ID4: variants seen among roughly 807,000 people sequenced by gnomAD.
ID4 encodes inhibitor of DNA binding 4.
In ID4, 9 loss-of-function variants were observed where a neutral mutation model predicts 8.6. The ratio of observed to expected loss-of-function variants is 1.04; its 90% confidence interval spans 0.63 to 1.82. ID4 has a LOEUF of 1.82. Among genes scored for constraint, ID4 ranks in the 40% most tolerant of loss-of-function variants. ID4 has a pLI of 0.00. For missense variants in ID4, 270 were observed against 235.1 expected (o/e 1.15, Z -0.97); for synonymous variants, 180 against 118.0 (o/e 1.53, Z -3.41).
Position 19,837,679 on chromosome 6 carries a change from G to T in ID4, c.-76G>T. The T allele has an allele frequency of 9.8e-7, 1 of 1,016,002 alleles. No individual in the cohort carries two copies. Among genetic ancestry groups the T allele is most frequent in the South Asian group, 4.7e-5 (1 of 21,304 alleles). 62.9% of individuals were successfully genotyped at this position (1,016,002 alleles called of 1,614,324 possible). A position where few individuals can be genotyped will look rare whatever the true frequency, so the allele number is the denominator to read the frequency against. The stretch of plus-strand genomic sequence containing the variant: ...AGGCAAAGGGAGCGGAGCCGGCCGC[G>T]GACGGGGCCCGGAGCTTGCCTGCCT... On this transcript the variant is annotated 5_prime_UTR_variant, in exon 1 of 3. Coordinates refer to ENST00000378700, the MANE Select transcript of ID4 (RefSeq NM_001546.4).
Position 19,837,638 on chromosome 6 carries a change from A to AGC in ID4, c.-112_-111dup. On this transcript the variant is annotated 5_prime_UTR_variant, in exon 1 of 3. Transcript: ENST00000378700. ...GGCTCGGGAGTGTCGCGGTGCCCCGAGCGCGCCGGGCGCGGAGGCAAAGGG... is the reference window on the plus strand; with the variant it reads ...GGCTCGGGAGTGTCGCGGTGCCCCGAGCGCGCGCCGGGCGCGGAGGCAAAGGG... 1.5e-6 allele frequency: 1 copy of AGC among 652,328 alleles called. No individual in the cohort carries two copies. Among genetic ancestry groups the AGC allele is most frequent in the Non-Finnish European group, 2.0e-6 (1 of 510,098 alleles). The allele number at this position is 652,328 out of a possible 1,614,324, so 40.4% of individuals were successfully genotyped here. A position where few individuals can be genotyped will look rare whatever the true frequency, so the allele number is the denominator to read the frequency against.
At chr6:19,838,225 A>AC in intron 1 of ID4, 30 bp downstream of exon 1, 2 of 1,328,546 alleles carry the variant, frequency 1.5e-6, no homozygotes, top group Non-Finnish European at 1.9e-6. Flanking sequence ...CCGTGGGCGG[A>AC]CGCCGCGGGG....
In ID4 at chr6:19,839,633, A is replaced by T. The variant is rs940555036; in HGVS notation, c.*438A>T. ...TTGTAGATATTTTTTTTTTACATCT[A>T]TTGTTTAAAATAGATGATTATAACG... On this transcript the variant is annotated 3_prime_UTR_variant, in exon 3 of 3. Coordinates refer to ENST00000378700, the MANE Select transcript of ID4 (RefSeq NM_001546.4). The T allele has an allele frequency of 6.6e-6, 1 of 152,268 alleles. No individual in the cohort carries two copies. Among genetic ancestry groups the T allele is most frequent in the Non-Finnish European group, 1.5e-5 (1 of 67,970 alleles). The allele number at this position is 152,268 out of a possible 1,614,324, so 9.4% of individuals were successfully genotyped here.
In ID4 at chr6:19,841,508, T is replaced by C. The variant is rs188540509; in HGVS notation, c.*2313T>C. ...TTTTGGCGCAGTTTAAAACTTATAC[T>C]GGTGGACTGTGAACCTCAAAACAAA... On this transcript the variant is annotated 3_prime_UTR_variant, in exon 3 of 3. Transcript: ENST00000378700. 7.4e-5 allele frequency among the ~76,000 whole-genome samples: 11 copies of C among 148,864 alleles called. No individual in the cohort carries two copies. In the East Asian group the frequency reaches 1.7e-3, roughly 24 times the overall value.
rs541603415 is a variant in ID4, at chr6:19,838,051, C to T, written c.297C>T (p.Asp99=). The change falls in exon 1 of 3, where the codon GAC becomes GAT. Residue 99 remains aspartate (D), a synonymous_variant. Coordinates refer to ENST00000378700, the MANE Select transcript of ID4 (RefSeq NM_001546.4). ...TGGAGATCCTGCAGCACGTTATCGACTACATCCTGGACCTGCAGCTGGCGC... is the reference window on the plus strand; with the variant it reads ...TGGAGATCCTGCAGCACGTTATCGATTACATCCTGGACCTGCAGCTGGCGC... The part of the protein sequence containing the change: ...SKVEILQHVI[D]YILDLQLALE... 5 of 1,607,648 alleles carry T rather than the reference C, an allele frequency of 3.1e-6. No homozygotes were observed. Among genetic ancestry groups the T allele is most frequent in the East Asian group, 2.2e-5 (1 of 44,504 alleles).
rs1367992039 is a variant in ID4 at position 19,840,650 on chromosome 6, C to A, written c.*1455C>A. ...AATCTCTTGTGATGTGTAACTTTTACATGTGAATATTAAAGTAGATTTCTC... is the reference window on the plus strand; with the variant it reads ...AATCTCTTGTGATGTGTAACTTTTAAATGTGAATATTAAAGTAGATTTCTC... On this transcript the variant is annotated 3_prime_UTR_variant, in exon 3 of 3. Transcript: ENST00000378700. The A allele has an allele frequency of 2.0e-5, 3 of 152,472 alleles. No homozygotes were observed. Among genetic ancestry groups the A allele is most frequent in the Non-Finnish European group, 4.4e-5 (3 of 68,002 alleles). The allele number at this position is 152,472 out of a possible 1,614,324, so 9.4% of individuals were successfully genotyped here.
Position 19,842,017 on chromosome 6 carries a change from G to A in ID4, c.*2822G>A, listed in dbSNP as rs949864598. Among the ~76,000 whole-genome samples, 2 of 152,080 alleles carry A rather than the reference G, an allele frequency of 1.3e-5. No homozygotes were observed. The highest frequency in any genetic ancestry group is 1.5e-5 in the Non-Finnish European group (1 of 68,010). ...ATCCTGACATCTCAGACATCTCAAT[G>A]TTAAAGGAAGAAAAAAAATACCTTT... On this transcript the variant is annotated 3_prime_UTR_variant, in exon 3 of 3. Transcript: ENST00000378700.
In ID4 at chr6:19,837,719, A is replaced by T; in HGVS notation, c.-36A>T. 1 of 1,103,254 alleles carries T rather than the reference A, an allele frequency of 9.1e-7. No homozygotes were observed. Among genetic ancestry groups the T allele is most frequent in the Non-Finnish European group, 1.1e-6 (1 of 905,244 alleles). 68.3% of individuals were successfully genotyped at this position (1,103,254 alleles called of 1,614,324 possible). A position where few individuals can be genotyped will look rare whatever the true frequency, so the allele number is the denominator to read the frequency against. On this transcript the variant is annotated 5_prime_UTR_variant, in exon 1 of 3. Coordinates refer to ENST00000378700, the MANE Select transcript of ID4 (RefSeq NM_001546.4). Reference sequence around the variant, plus strand: ...CTTGCCTGCCTCCCTCGCTCGCCCCAGCGGGTTCGCTCGCGTAGAGCGCAG... The same window carrying T: ...CTTGCCTGCCTCCCTCGCTCGCCCCTGCGGGTTCGCTCGCGTAGAGCGCAG...
At chr6:19,838,856 G>T in intron 2 of ID4, 1 of 560,416 alleles carries the variant, frequency 1.8e-6, no homozygotes, top group South Asian at 2.1e-5. Context: ...AGACGGGTCA[G>T]CCCTTGTCCC....
In ID4 at chr6:19,841,341, C is replaced by T. The variant is rs182955118; in HGVS notation, c.*2146C>T. On this transcript the variant is annotated 3_prime_UTR_variant, in exon 3 of 3. Coordinates refer to ENST00000378700, the MANE Select transcript of ID4 (RefSeq NM_001546.4). ...GAATTCCAAATCTGAAGAATTCTAA[C>T]GACTGCATTCTTTGTTATTAAAAAG... 6.6e-6 allele frequency among the ~76,000 whole-genome samples: 1 copy of T among 152,256 alleles called. No homozygotes were observed. The highest frequency in any genetic ancestry group is 1.9e-4 in the East Asian group (1 of 5,184).
chr6:19,837,566 C>G lies in ID4; in HGVS notation c.-189C>G. 3.8e-6 allele frequency: 1 copy of G among 265,620 alleles called. No individual in the cohort carries two copies. Among genetic ancestry groups the G allele is most frequent in the Non-Finnish European group, 6.4e-6 (1 of 156,074 alleles). 16.5% of individuals were successfully genotyped at this position (265,620 alleles called of 1,614,324 possible). Reference sequence around the variant, plus strand: ...CTCGGGCTGAGTGTCGCCCACTGAGCAAAGATTCCCTCGTAAAACCCAGAG... The same window carrying G: ...CTCGGGCTGAGTGTCGCCCACTGAGGAAAGATTCCCTCGTAAAACCCAGAG... On this transcript the variant is annotated 5_prime_UTR_variant, in exon 1 of 3. Transcript: ENST00000378700.
intron 1 of ID4, 78 bp downstream of exon 1, chr6:19,838,273 C>T (rs1455187462): frequency 1.6e-6 from 2 of 1,238,538 alleles, no homozygotes; most frequent in Non-Finnish European, 2.1e-6. Flanking sequence ...GACGCGGGCG[C>T]TCACCGTCCT....
chr6:19,838,916 T>C (rs994747023), intron 2 of ID4: 5 of 494,730 alleles, frequency 1.0e-5, no homozygotes, highest in Middle Eastern at 1.1e-3. Context: ...CTGCCTTCCC[T>C]AGTTCCCGAG....
In ID4 at chr6:19,840,038, G is replaced by C. The variant is rs1761325678; in HGVS notation, c.*843G>C. 1 of 152,470 alleles carries C rather than the reference G, an allele frequency of 6.6e-6. No homozygotes were observed. The highest frequency in any genetic ancestry group is 2.4e-5 in the African/African-American group (1 of 41,402). The allele number at this position is 152,470 out of a possible 1,614,324, so 9.4% of individuals were successfully genotyped here. On this transcript the variant is annotated 3_prime_UTR_variant, in exon 3 of 3. Transcript: ENST00000378700. ...AGATGTTTAATCACAAATTAAACTT[G>C]TTCTGAGTCCATTCAAATGTGTTTT...
chr6:19,838,232 G>C (rs945809620), intron 1 of ID4, 37 bp downstream of exon 1: 1 of 1,323,128 alleles, frequency 7.6e-7, no homozygotes, highest in Admixed American at 4.2e-5. Flanking sequence ...CGGACGCCGC[G>C]GGGGATGGGA....
intron 2 of ID4, 104 bp downstream of exon 2, chr6:19,838,746 G>C: frequency 2.1e-6 from 2 of 948,506 alleles, no homozygotes; most frequent in Non-Finnish European, 3.3e-6. Context: ...CAGCGTTTCT[G>C]AGAGCAAACT....
chr6:19,837,865 C>T lies in ID4; in HGVS notation c.111C>T (p.Gly37=), dbSNP rs1581594340. ...CCGAGCACGGCCACAGCCTGGGTGG[C>T]TCCGCAGCCGCGGCGGCGGCGGCGG... is the stretch of plus-strand genomic sequence containing the variant. ...CLAEHGHSLG[G]SAAAAAAAAA... The change falls in exon 1 of 3, where the codon GGC becomes GGT. Residue 37 remains glycine, a synonymous_variant. Coordinates refer to ENST00000378700, the MANE Select transcript of ID4 (RefSeq NM_001546.4). The T allele has an allele frequency of 3.2e-6, 4 of 1,266,350 alleles. No homozygotes were observed. Among genetic ancestry groups the T allele is most frequent in the East Asian group, 3.5e-5 (1 of 28,306 alleles). 78.4% of individuals were successfully genotyped at this position (1,266,350 alleles called of 1,614,324 possible). A position where few individuals can be genotyped will look rare whatever the true frequency, so the allele number is the denominator to read the frequency against.
In ID4 at chr6:19,842,037, AC is replaced by A. The variant is rs1284665935; in HGVS notation, c.*2844del. On this transcript the variant is annotated 3_prime_UTR_variant, in exon 3 of 3. Transcript: ENST00000378700. ...TCAATGTTAAAGGAAGAAAAAAAAT[AC>A]CTTTTCATTTCAAAGAACTAATATA... 1.3e-5 allele frequency among the ~76,000 whole-genome samples: 2 copies of A among 152,220 alleles called. No homozygotes were observed. Among genetic ancestry groups the A allele is most frequent in the Admixed American group, 1.3e-4 (2 of 15,270 alleles).
rs1029980267 is a variant in ID4 at position 19,841,398 on chromosome 6, A to T, written c.*2203A>T. On this transcript the variant is annotated 3_prime_UTR_variant, in exon 3 of 3. Coordinates refer to ENST00000378700, the MANE Select transcript of ID4 (RefSeq NM_001546.4). ...ATCCTTCCTTTTTATTTGGCAGTTTAATTTCAGTAGGAAGCATGTCACATG... is the reference window on the plus strand; with the variant it reads ...ATCCTTCCTTTTTATTTGGCAGTTTTATTTCAGTAGGAAGCATGTCACATG... 6.6e-6 allele frequency among the ~76,000 whole-genome samples: 1 copy of T among 152,198 alleles called. No individual in the cohort carries two copies. The highest frequency in any genetic ancestry group is 2.4e-5 in the African/African-American group (1 of 41,456).
Sources: allele counts gnomAD v4.1 joint callset (sites outside exome capture counted in the v4.1 genomes callset), GRCh38; gene constraint gnomAD v4.1.1; transcripts MANE v1.5; gene names NCBI Gene and HGNC (gene_info 2026-07-23, HGNC 2026-07-21).